The following CTC1 variants were observed in gnomAD, a reference collection of about 807,000 sequenced individuals.
The protein encoded by CTC1 is CST telomere replication complex component 1.
CTC1 carries 91 observed loss-of-function variants against 136.3 expected under a neutral mutation model. That is an observed-to-expected ratio of 0.67 (90% CI 0.56 to 0.79). The LOEUF is 0.79. Among genes scored for constraint, CTC1 ranks in the 30% least tolerant of loss-of-function variants. CTC1 has a pLI of 0.00. For synonymous variants in CTC1, 606 were observed against 613.8 expected (o/e 0.99, Z 0.19); for missense variants, 1,432 against 1,498.1 (o/e 0.96, Z 0.73).
intron 18 of CTC1, 94 bp from the exon 19 acceptor site, chr17:8,229,540 G>C (rs1291201794): frequency 4.6e-6 from 5 of 1,087,478 alleles, no homozygotes; most frequent in Non-Finnish European, 6.8e-6. Context: ...GACTTAGAGG[G>C]CATCAGGATG....
chr17:8,231,663 C>T (rs746257367), intron 14 of CTC1, 63 bp downstream of exon 14: 78 of 1,489,790 alleles, frequency 5.2e-5, no homozygotes, highest in Non-Finnish European at 6.4e-5. Flanking sequence ...CTGGCATGCC[C>T]TCTTTAGACC....
At position 8,226,317 on chromosome 17, in the gene CTC1, C is replaced by G. The variant is rs575656418; in HGVS notation, c.*1863G>C. 6.6e-6 allele frequency: 1 copy of G among 152,214 alleles called. No individual in the cohort carries two copies. The highest frequency in any genetic ancestry group is 1.5e-5 in the Non-Finnish European group (1 of 68,028). 9.4% of individuals were successfully genotyped at this position (152,214 alleles called of 1,614,324 possible). On this transcript the variant is annotated 3_prime_UTR_variant, in exon 23 of 23. Transcript: ENST00000651323. ...AACTAAGCCACGGCGCCGAAGCTGCCATAAAGGTTCCTGAAATTCATCTAC... is the reference window on the plus strand; with the variant it reads ...AACTAAGCCACGGCGCCGAAGCTGCGATAAAGGTTCCTGAAATTCATCTAC...
intron 10 of CTC1, chr17:8,233,297 G>A (rs563396133): frequency 6.4e-5 from 25 of 387,956 alleles, no homozygotes; most frequent in Non-Finnish European, 8.1e-5. Flanking sequence ...ACAATGAGAC[G>A]TTTGATTTTA....
In CTC1 at chr17:8,230,096, A is replaced by C. The variant is rs192544696; in HGVS notation, c.2934-128T>G. The C allele has an allele frequency of 2.6e-4, 265 of 1,036,078 alleles. 2 individuals are homozygous for C. The African/African-American group carries it at 3.8e-3, about 15-fold the overall frequency. 64.2% of individuals were successfully genotyped at this position (1,036,078 alleles called of 1,614,324 possible). A position where few individuals can be genotyped will look rare whatever the true frequency, so the allele number is the denominator to read the frequency against. On this transcript the variant is annotated intron_variant, in intron 17 of 22. Coordinates refer to ENST00000651323, the MANE Select transcript of CTC1 (RefSeq NM_025099.6). ...AGGGACATATCCTAGCCATGGCTCT[A>C]CCAAAGCTAGGGGAAGACTAGGAGG...
In CTC1 at chr17:8,236,205, C is replaced by T. The variant is rs371445928; in HGVS notation, c.930G>A (p.Leu310=). 1.9e-6 allele frequency: 3 copies of T among 1,614,220 alleles called. No homozygotes were observed. The highest frequency in any genetic ancestry group is 2.2e-5 in the South Asian group (2 of 91,082). ...MTSQSSRLLL[L]KPECVQELEL... ...CCAGCTCCTGCACACATTCTGGTTT[C>T]AGCAGCAACAGACGGGAGGACTGAC... The change falls in exon 6 of 23, where the codon CTG becomes CTA. Residue 310 remains leucine, a synonymous_variant. Coordinates refer to ENST00000651323, the MANE Select transcript of CTC1 (RefSeq NM_025099.6).
At position 8,235,068 on chromosome 17, in the gene CTC1, T is replaced by A; in HGVS notation, c.1424A>T (p.Glu475Val). The A allele has an allele frequency of 6.2e-7, 1 of 1,614,028 alleles. No individual in the cohort carries two copies. The highest frequency in any genetic ancestry group is 8.5e-7 in the Non-Finnish European group (1 of 1,179,966). Residue 475 changes from glutamate to valine, a missense_variant, in exon 8 of 23, where the codon GAG becomes GTG. Physicochemically the swap from Glu to Val is moderately radical, Grantham distance 121 (BLOSUM62 -2). Coordinates refer to ENST00000651323, the MANE Select transcript of CTC1 (RefSeq NM_025099.6). ...PLYLWATKAL[E>V]ELACKLCPHV... ...GCCTCCTCACTTGCAGGCCAGCTCCTCCAGGGCCTTGGTAGCCCACAGGTA... is the reference window on the plus strand; with the variant it reads ...GCCTCCTCACTTGCAGGCCAGCTCCACCAGGGCCTTGGTAGCCCACAGGTA...
intron 2 of CTC1, among the ~76,000 whole-genome samples, chr17:8,242,534 A>G (rs1440744780): frequency 2.6e-4 from 16 of 62,340 alleles, no homozygotes; most frequent in African/African-American, 6.0e-4. Flanking sequence ...GTGTAGAGAG[A>G]AAAAAAAAAA....
chr17:8,242,880 G>A (rs765120954), intron 2 of CTC1, 105 bp downstream of exon 2: 8 of 1,019,414 alleles, frequency 7.8e-6, no homozygotes, highest in South Asian at 3.5e-5. Flanking sequence ...CTTGTCCTCC[G>A]CTCACTCTCT....
chr17:8,233,144 C>A, intron 10 of CTC1, 112 bp from the exon 11 acceptor site: 1 of 1,243,422 alleles, frequency 8.0e-7, no homozygotes, highest in South Asian at 1.5e-5. Context: ...ACAAAAAAGA[C>A]ACGTCTCTGG....
chr17:8,234,454 C>T lies in CTC1; in HGVS notation c.1818+1G>A, dbSNP rs773716148. The T allele has an allele frequency of 1.4e-5, 21 of 1,551,694 alleles. No individual in the cohort carries two copies. Among genetic ancestry groups the T allele is most frequent in the Non-Finnish European group, 1.6e-5 (18 of 1,146,978 alleles). ...CTGAGCCCTGCTAGGGTCCCCCTTA[C>T]CTGGGCTGGGCAGAAGGCAGAGGGC... On this transcript the variant is annotated splice_donor_variant, in intron 10 of 22. Coordinates refer to ENST00000651323, the MANE Select transcript of CTC1 (RefSeq NM_025099.6). LOFTEE classifies it high-confidence loss of function.
rs758414171 is a variant in CTC1 at position 8,235,148 on chromosome 17, G to A, written c.1344C>T (p.Tyr448=). The change falls in exon 8 of 23, where the codon TAC becomes TAT. Residue 448 remains tyrosine, a synonymous_variant. Transcript: ENST00000651323. ...KPGAHSSRQA[Y]GASLYEQLVW... is the part of the protein sequence containing the mutation. ...CCAGCTGCTCGTACAGGGAGGCCCCGTAGGCTTGACGGGATGAGTGAGCCC... is the reference window on the plus strand; with the variant it reads ...CCAGCTGCTCGTACAGGGAGGCCCCATAGGCTTGACGGGATGAGTGAGCCC... 1.7e-5 allele frequency: 28 copies of A among 1,614,170 alleles called. No individual in the cohort carries two copies. The highest frequency in any genetic ancestry group is 3.3e-4 in the Middle Eastern group (2 of 6,062).
Position 8,230,549 on chromosome 17 carries a change from G to A in CTC1, c.2758+14C>T. 1 of 1,613,984 alleles carries A rather than the reference G, an allele frequency of 6.2e-7. No individual in the cohort carries two copies. Among genetic ancestry groups the A allele is most frequent in the Non-Finnish European group, 8.5e-7 (1 of 1,179,862 alleles). Reference sequence around the variant, plus strand: ...CTCTATTTCATACCTTCCCCACAAAGGAAGGGTCATTACCCAGTTTCATCC... The same window carrying A: ...CTCTATTTCATACCTTCCCCACAAAAGAAGGGTCATTACCCAGTTTCATCC... On this transcript the variant is annotated intron_variant, in intron 16 of 22. Transcript: ENST00000651323.
Position 8,228,609 on chromosome 17 carries a change from C to G in CTC1, c.3408G>C (p.Glu1136Asp). ...AQLESSARVD[E>D]PMTMFLWTLC... Reference sequence around the variant, plus strand: ...GTGTCCAGAGGAACATGGTCATGGGCTCGTCAACCCTGGCTGAAGACTAGA... The same window carrying G: ...GTGTCCAGAGGAACATGGTCATGGGGTCGTCAACCCTGGCTGAAGACTAGA... The change falls in exon 22 of 23, where the codon GAG (glutamate) becomes GAC (aspartate). Residue 1136 changes from glutamate (E) to aspartate (D), a missense_variant. Transcript: ENST00000651323. 6.2e-7 allele frequency: 1 copy of G among 1,614,160 alleles called. No individual in the cohort carries two copies. The highest frequency in any genetic ancestry group is 1.3e-5 in the African/African-American group (1 of 75,044).
At chr17:8,238,755 T>C (rs974799206) in intron 2 of CTC1, 126 bp from the exon 3 acceptor site, 5 of 686,160 alleles carry the variant, frequency 7.3e-6, no homozygotes, top group Non-Finnish European at 1.2e-5. Flanking sequence ...AGAGGTGAGT[T>C]TGATTGATTA....
intron 1 of CTC1, among the ~76,000 whole-genome samples, chr17:8,245,442 C>T (rs1247084385): frequency 1.3e-5 from 2 of 152,074 alleles, no homozygotes; most frequent in African/African-American, 2.4e-5. Context: ...TTCAGAGTTG[C>T]CCCACCAGTA....
intron 1 of CTC1, among the ~76,000 whole-genome samples, chr17:8,246,190 G>C (rs573335179): frequency 8.1e-6 from 1 of 123,648 alleles, no homozygotes; most frequent in African/African-American, 3.0e-5. Context: ...CTGGGTGACA[G>C]AGTAAGACCT....
In CTC1 at chr17:8,227,894, C is replaced by A; in HGVS notation, c.*286G>T. 2 of 334,790 alleles carry A rather than the reference C, an allele frequency of 6.0e-6. No individual in the cohort carries two copies. Among genetic ancestry groups the A allele is most frequent in the East Asian group, 5.7e-5 (1 of 17,686 alleles). 20.7% of individuals were successfully genotyped at this position (334,790 alleles called of 1,614,324 possible). ...CCACAGCGAGCAAGTCTTTTGTTCC[C>A]TCAGCTCCTGCGACAAAGTCAGAAC... On this transcript the variant is annotated 3_prime_UTR_variant, in exon 23 of 23. Coordinates refer to ENST00000651323, the MANE Select transcript of CTC1 (RefSeq NM_025099.6).
rs1405187627 is a variant in CTC1, at chr17:8,234,633, G to T, written c.1640C>A (p.Ser547Tyr). Residue 547 changes from serine (S) to tyrosine (Y), a missense_variant, in exon 10 of 23, where the codon TCC becomes TAC. Physicochemically the swap from Ser to Tyr is moderately radical, Grantham distance 144. Coordinates refer to ENST00000651323, the MANE Select transcript of CTC1 (RefSeq NM_025099.6). Reference sequence around the variant, plus strand: ...CAGGGTGGCCAGAGTGGGGAAGGAGGAGGGAGTCTGCAGCCGAGTGTACTG... The same window carrying T: ...CAGGGTGGCCAGAGTGGGGAAGGAGTAGGGAGTCTGCAGCCGAGTGTACTG... ...LQKYTRLQTP[S>Y]SFPTLATLKE... 6 of 1,612,680 alleles carry T rather than the reference G, an allele frequency of 3.7e-6. No homozygotes were observed. The highest frequency in any genetic ancestry group is 5.1e-6 in the Non-Finnish European group (6 of 1,179,114).
At chr17:8,229,780 T>TTGGAGAAG in intron 18 of CTC1, 111 bp downstream of exon 18, 1 of 864,554 alleles carries the variant, frequency 1.2e-6, no homozygotes, top group East Asian at 2.5e-5. Flanking sequence ...TCAACACATC[T>TTGGAGAAG]TGTTGGGATT....
Sources: allele counts gnomAD v4.1 joint callset (sites outside exome capture counted in the v4.1 genomes callset), GRCh38; gene constraint gnomAD v4.1.1; transcripts MANE v1.5; gene names NCBI Gene and HGNC (gene_info 2026-07-23, HGNC 2026-07-21).